The following RTN4 variants were observed in gnomAD, a reference collection of about 807,000 sequenced individuals.
The protein encoded by RTN4 is reticulon 4.
RTN4 carries 32 observed loss-of-function variants against 90.4 expected under a neutral mutation model. The ratio of observed to expected loss-of-function variants is 0.35; its 90% CI spans 0.27 to 0.48. RTN4 has a LOEUF of 0.48. Among genes scored for constraint, RTN4 ranks in the 20% least tolerant of loss-of-function variants. The pLI, the probability that RTN4 is intolerant of heterozygous loss-of-function variation, is 0.99. For missense variants in RTN4, 1,706 were observed against 1,430.2 expected (o/e 1.19, Z -3.11); for synonymous variants, 629 against 552.5 (o/e 1.14, Z -1.94).
At chr2:55,068,454 C>G (rs1668431792) in intron 2 of RTN4, among the ~76,000 whole-genome samples, 1 of 152,112 alleles carries the variant, frequency 6.6e-6, no homozygotes, top group African/African-American at 2.4e-5. Flanking sequence ...TACTAGGAAA[C>G]TGTCATACTC....
chr2:55,057,592 T>C (rs1183999102), intron 2 of RTN4, among the ~76,000 whole-genome samples: 1 of 152,188 alleles, frequency 6.6e-6, no homozygotes, highest in Non-Finnish European at 1.5e-5. Flanking sequence ...CAATTAAGAC[T>C]TGATAAGTCA....
the RTN4 span, among the ~76,000 whole-genome samples, chr2:55,125,339 G>T: frequency 3.3e-5 from 5 of 152,108 alleles, no homozygotes; most frequent in Admixed American, 3.3e-4. Flanking sequence ...CTACAGAATG[G>T]GAGAAAATAT....
intron 3 of RTN4, among the ~76,000 whole-genome samples, chr2:55,023,079 C>T (rs1278136662): frequency 1.3e-5 from 2 of 152,080 alleles, no homozygotes; most frequent in Non-Finnish European, 2.9e-5. Context: ...CCTACCTCTC[C>T]TACCTTTTTC....
At chr2:55,133,213 A>G in the RTN4 span, among the ~76,000 whole-genome samples, 1 of 152,222 alleles carries the variant, frequency 6.6e-6, no homozygotes, top group African/African-American at 2.4e-5. Context: ...TCTGTCTCAA[A>G]AAACTAAAAC....
At chr2:55,120,764 C>T in the RTN4 span, among the ~76,000 whole-genome samples, 1 of 152,014 alleles carries the variant, frequency 6.6e-6, no homozygotes. Context: ...CTCGGGCGGG[C>T]TGTGTGGGAG....
intron 3 of RTN4, among the ~76,000 whole-genome samples, chr2:54,990,819 A>G (rs1470011744): frequency 6.6e-6 from 1 of 151,594 alleles, no homozygotes. Flanking sequence ...AGAGTCTCGC[A>G]CTGTCGCCCG....
At chr2:55,132,081 A>G in the RTN4 span, among the ~76,000 whole-genome samples, 1 of 152,238 alleles carries the variant, frequency 6.6e-6, no homozygotes, top group Non-Finnish European at 1.5e-5. Flanking sequence ...AAACATTAGA[A>G]CTGGCAACAA....
In RTN4 at chr2:55,026,881, C is replaced by CA. The variant is rs1471938499; in HGVS notation, c.1217dup (p.Leu406PhefsTer6). The CA allele has an allele frequency of 6.2e-7, 1 of 1,613,848 alleles. No individual in the cohort carries two copies. ...TGCTCTCGATTTTACCTCCAGCAGCCAACATATCACTATCTTCCTTACTAT... is the reference window on the plus strand; with the variant it reads ...TGCTCTCGATTTTACCTCCAGCAGCCAAACATATCACTATCTTCCTTACTAT... On this transcript the variant is annotated frameshift_variant, in exon 3 of 9. Transcript: ENST00000337526. LOFTEE classifies it high-confidence loss of function.
the RTN4 span, among the ~76,000 whole-genome samples, chr2:55,132,893 G>GTTT: frequency 4.8e-4 from 37 of 77,836 alleles, no homozygotes; most frequent in East Asian, 1.5e-3. Context: ...CAGTTTTGTT[G>GTTT]TTGTTTTTTT....
At chr2:55,131,005 C>T in the RTN4 span, among the ~76,000 whole-genome samples, 1 of 152,156 alleles carries the variant, frequency 6.6e-6, no homozygotes. Context: ...CATCTGTCTT[C>T]AGTGTACAAA....
At chr2:55,000,293 C>G (rs888418401) in intron 3 of RTN4, among the ~76,000 whole-genome samples, 2 of 152,280 alleles carry the variant, frequency 1.3e-5, no homozygotes, top group African/African-American at 4.8e-5. Context: ...ACCTGGCAAG[C>G]CAGCATCTGT....
chr2:54,977,083 G>C lies in RTN4; in HGVS notation c.3361-2319C>G, dbSNP rs114309253. 1.3e-5 allele frequency among the ~76,000 whole-genome samples: 2 copies of C among 152,276 alleles called. 1 individual carries two copies. Among genetic ancestry groups the C allele is most frequent in the South Asian group, 4.1e-4 (2 of 4,822 alleles). Reference sequence around the variant, plus strand: ...CTGCAGATTTGTGATGTTTCAATTTGGGGGAAGGGGTATCTTTAAGGCAAA... The same window carrying C: ...CTGCAGATTTGTGATGTTTCAATTTCGGGGAAGGGGTATCTTTAAGGCAAA... On this transcript the variant is annotated intron_variant, in intron 5 of 8. Transcript: ENST00000337526.
chr2:55,041,127 T>C (rs1396897603), intron 1 of RTN4, among the ~76,000 whole-genome samples: 2 of 151,862 alleles, frequency 1.3e-5, no homozygotes, highest in African/African-American at 4.8e-5. Context: ...CTTAGCTTTC[T>C]TTCTCAGTCA....
At position 55,026,406 on chromosome 2, in the gene RTN4, C is replaced by T; in HGVS notation, c.1693G>A (p.Glu565Lys). The change falls in exon 3 of 9, where the codon GAA becomes AAA. Residue 565 changes from glutamate to lysine, a missense_variant. By Grantham distance (56) the Glu-to-Lys change is moderately conservative (BLOSUM62 1). Coordinates refer to ENST00000337526, the MANE Select transcript of RTN4 (RefSeq NM_020532.5). The stretch of plus-strand genomic sequence containing the variant: ...TAAGCAATCTTTGTACCAGTAACTT[C>T]ATTCAATTCACTTTCACATGCTTCC... ...VQEACESELN[E>K]VTGTKIAYET... The T allele has an allele frequency of 6.2e-7, 1 of 1,613,948 alleles. No individual in the cohort carries two copies. The highest frequency in any genetic ancestry group is 8.5e-7 in the Non-Finnish European group (1 of 1,179,908).
chr2:55,048,831 G>A (rs377523786), intron 1 of RTN4, among the ~76,000 whole-genome samples: 3 of 152,096 alleles, frequency 2.0e-5, no homozygotes, highest in African/African-American at 7.2e-5. Flanking sequence ...GGAATCCACA[G>A]GTTTTCCCTT....
At chr2:55,129,371 C>T in the RTN4 span, among the ~76,000 whole-genome samples, 20 of 151,988 alleles carry the variant, frequency 1.3e-4, no homozygotes, top group African/African-American at 4.6e-4. Context: ...CCCAGGAGTT[C>T]GTGACCAGCT....
intron 1 of RTN4, among the ~76,000 whole-genome samples, chr2:55,112,306 C>T (rs757987545): frequency 1.8e-4 from 27 of 152,180 alleles, no homozygotes; most frequent in Admixed American, 3.3e-4. Context: ...ACAGCAACCC[C>T]GTAAAATCCT....
intron 1 of RTN4, among the ~76,000 whole-genome samples, chr2:55,041,142 T>C (rs767234164): frequency 1.3e-5 from 2 of 151,608 alleles, no homozygotes; most frequent in Non-Finnish European, 2.9e-5. Flanking sequence ...CAGTCAATTA[T>C]CAATTGAAAA....
intron 1 of RTN4, among the ~76,000 whole-genome samples, chr2:55,030,615 G>A (rs1241431852): frequency 6.6e-6 from 1 of 152,180 alleles, no homozygotes; most frequent in African/African-American, 2.4e-5. Flanking sequence ...ATGTTGTGAA[G>A]GAGGGAGAGG....
Sources: gnomAD v4.1 joint callset for allele counts (sites outside exome capture counted in the v4.1 genomes callset) on GRCh38, gnomAD v4.1.1 for gene constraint, MANE v1.5 for transcripts, NCBI Gene and HGNC (gene_info 2026-07-23, HGNC 2026-07-21) for gene names.